Variants in POC1B observed in about 807,000 individuals in gnomAD.
POC1B encodes POC1 centriolar protein B.
Under a neutral mutation model 60.6 loss-of-function variants are expected in POC1B, and 44 were observed. The observed-to-expected ratio is 0.73, with a 90% CI of 0.57 to 0.93. POC1B has a LOEUF of 0.93. Among genes scored for constraint, POC1B ranks in the 40% least tolerant of loss-of-function variants. The pLI, the probability that POC1B is intolerant of heterozygous loss-of-function variation, is 0.00. For synonymous variants in POC1B, 180 were observed against 198.9 expected (o/e 0.90, Z 0.80); for missense variants, 555 against 572.3 (o/e 0.97, Z 0.31).
the POC1B span, among the ~76,000 whole-genome samples, chr12:89,408,244 G>C: frequency 6.6e-6 from 1 of 152,112 alleles, no homozygotes; most frequent in Non-Finnish European, 1.5e-5. Flanking sequence ...CTTTGCTATT[G>C]TGAATAGTGC....
chr12:89,478,010 G>A (rs372285470), intron 4 of POC1B, among the ~76,000 whole-genome samples: 1 of 152,166 alleles, frequency 6.6e-6, no homozygotes, highest in East Asian at 1.9e-4. Context: ...CCTCAGGAAC[G>A]GCCTTCCTGA....
chr12:89,453,900 A>G (rs1217870336), intron 10 of POC1B, among the ~76,000 whole-genome samples: 1 of 152,224 alleles, frequency 6.6e-6, no homozygotes, highest in Non-Finnish European at 1.5e-5. Context: ...TATTTTTCAG[A>G]TAGTATACAC....
chr12:89,436,832 C>T (rs926745317), intron 10 of POC1B, among the ~76,000 whole-genome samples: 6 of 152,016 alleles, frequency 3.9e-5, no homozygotes, highest in Admixed American at 2.0e-4. Context: ...TAATCATTAT[C>T]GAATACTATG....
chr12:89,514,914 C>A (rs10777182), intron 2 of POC1B, among the ~76,000 whole-genome samples: 80 of 151,948 alleles, frequency 5.3e-4, no homozygotes, highest in Middle Eastern at 3.4e-3. Context: ...ACCTGGTACC[C>A]ACGCCTTCTC....
At chr12:89,482,213 G>T (rs1244531522) in intron 4 of POC1B, among the ~76,000 whole-genome samples, 1 of 152,126 alleles carries the variant, frequency 6.6e-6, no homozygotes, top group African/African-American at 2.4e-5. Context: ...CAGAGAAATG[G>T]ATACAGTTAA....
At chr12:89,523,966 C>A in intron 2 of POC1B, 2 of 1,613,872 alleles carry the variant, frequency 1.2e-6, no homozygotes, top group Non-Finnish European at 1.7e-6. Context: ...CAAGCGTACT[C>A]TATCAAGATT....
chr12:89,485,972 A>T (rs910384276), intron 4 of POC1B, among the ~76,000 whole-genome samples: 1 of 152,132 alleles, frequency 6.6e-6, no homozygotes. Context: ...AATATAGTCA[A>T]GTCTTGGCTC....
At chr12:89,435,179 C>CTT (rs56061239) in intron 10 of POC1B, among the ~76,000 whole-genome samples, 4 of 113,496 alleles carry the variant, frequency 3.5e-5, no homozygotes, top group East Asian at 2.5e-4. Flanking sequence ...GAATGACATT[C>CTT]TTTTTTTTTT....
chr12:89,515,244 G>A (rs1304033217), intron 2 of POC1B, among the ~76,000 whole-genome samples: 8 of 152,034 alleles, frequency 5.3e-5, no homozygotes, highest in African/African-American at 1.7e-4. Flanking sequence ...CTCTAATTGG[G>A]GAGCTTAAAT....
Position 89,472,177 on chromosome 12 carries a change from T to C in POC1B, c.551A>G (p.Asp184Gly), listed in dbSNP as rs1191470706. 3.8e-6 allele frequency: 6 copies of C among 1,579,212 alleles called. No individual in the cohort carries two copies. Among genetic ancestry groups the C allele is most frequent in the Non-Finnish European group, 4.3e-6 (5 of 1,150,030 alleles). ...TNKQCVNNFSDSVGFANFVDF... is the reference protein window; with the variant it reads ...TNKQCVNNFSGSVGFANFVDF... ...AAGAAAGTGTACTTACCCAACGGAATCTGAGAAGTTATTAACACATTGCTT... is the reference window on the plus strand; with the variant it reads ...AAGAAAGTGTACTTACCCAACGGAACCTGAGAAGTTATTAACACATTGCTT... Residue 184 changes from aspartate to glycine, a missense_variant, in exon 5 of 12, where the codon GAT becomes GGT. Physicochemically the swap from Asp to Gly is moderately conservative, Grantham distance 94. Coordinates refer to ENST00000313546, the MANE Select transcript of POC1B (RefSeq NM_172240.3).
At chr12:89,440,919 T>C (rs566617801) in intron 10 of POC1B, among the ~76,000 whole-genome samples, 1 of 152,358 alleles carries the variant, frequency 6.6e-6, no homozygotes, top group African/African-American at 2.4e-5. Flanking sequence ...CCCACCCTAA[T>C]ACTGCGCTTT....
At chr12:89,460,089 G>T in intron 9 of POC1B, 1 of 328,350 alleles carries the variant, frequency 3.0e-6, no homozygotes, top group African/African-American at 2.2e-5. Flanking sequence ...ATAACAATTA[G>T]AAAGAAATAA....
chr12:89,413,432 A>T, the POC1B span, among the ~76,000 whole-genome samples: 79 of 151,942 alleles, frequency 5.2e-4, no homozygotes, highest in African/African-American at 1.6e-3. Context: ...CCTGGCCTTA[A>T]GTGATCCTCC....
chr12:89,509,900 C>T (rs542953874), intron 2 of POC1B, among the ~76,000 whole-genome samples: 2 of 152,304 alleles, frequency 1.3e-5, no homozygotes, highest in South Asian at 2.1e-4. Flanking sequence ...GGCTGGAGTG[C>T]CGTGGGGCGA....
intron 9 of POC1B, among the ~76,000 whole-genome samples, chr12:89,463,354 G>A (rs769511908): frequency 1.2e-4 from 18 of 152,080 alleles, no homozygotes; most frequent in Non-Finnish European, 2.1e-4. Flanking sequence ...TATCGCCATC[G>A]CTTAGAGTGG....
intron 10 of POC1B, among the ~76,000 whole-genome samples, chr12:89,429,799 C>A (rs1880954816): frequency 6.6e-6 from 1 of 152,150 alleles, no homozygotes; most frequent in Non-Finnish European, 1.5e-5. Context: ...GCAGAAAAAA[C>A]AAATGCTTTG....
intron 10 of POC1B, among the ~76,000 whole-genome samples, chr12:89,454,969 C>T (rs1287846440): frequency 6.6e-6 from 1 of 152,166 alleles, no homozygotes; most frequent in Non-Finnish European, 1.5e-5. Flanking sequence ...CTTAAAGATT[C>T]TAAACTAGAC....
chr12:89,456,060 T>C (rs953677347), intron 10 of POC1B, among the ~76,000 whole-genome samples: 22 of 151,738 alleles, frequency 1.4e-4, no homozygotes, highest in Admixed American at 1.4e-3. Flanking sequence ...GGATGGAGTC[T>C]CCCAGGCTGG....
intron 4 of POC1B, among the ~76,000 whole-genome samples, chr12:89,483,974 T>TTACGCC (rs1244321043): frequency 3.9e-5 from 6 of 152,374 alleles, no homozygotes; most frequent in African/African-American, 1.4e-4. Flanking sequence ...TATTGTGAGC[T>TTACGCC]TACGCCATAT....
Sources: gnomAD v4.1 joint callset for allele counts (sites outside exome capture counted in the v4.1 genomes callset) on GRCh38, gnomAD v4.1.1 for gene constraint, MANE v1.5 for transcripts, NCBI Gene and HGNC (gene_info 2026-07-23, HGNC 2026-07-21) for gene names.